TUT7: variants seen among roughly 807,000 people sequenced by gnomAD.
TUT7 encodes terminal uridylyl transferase 7, also known as terminal uridylyltransferase 7.
In TUT7, 33 loss-of-function variants were observed where a neutral mutation model predicts 165.9. The observed-to-expected ratio is 0.20, with a 90% CI of 0.15 to 0.27. The LOEUF (loss-of-function observed/expected upper bound fraction) is 0.27. Ranked by LOEUF, TUT7 falls within the 10% of genes least tolerant of loss-of-function variation. The pLI is 1.00. For missense variants in TUT7, 1,338 were observed against 1,762.3 expected (o/e 0.76, Z 4.31); for synonymous variants, 552 against 608.1 (o/e 0.91, Z 1.36).
intron 2 of TUT7, among the ~76,000 whole-genome samples, chr9:86,347,462 A>G (rs1018727632): frequency 2.6e-5 from 4 of 152,232 alleles, no homozygotes; most frequent in African/African-American, 7.2e-5. Flanking sequence ...CCCTACATGA[A>G]GTAATTCCTC....
intron 22 of TUT7, among the ~76,000 whole-genome samples, chr9:86,306,363 C>A (rs1208715233): frequency 6.6e-6 from 1 of 152,176 alleles, no homozygotes; most frequent in East Asian, 1.9e-4. Flanking sequence ...CTTCCTTCAG[C>A]TCAACCCTGC....
At chr9:86,310,831 TATC>T (rs1157741152) in intron 17 of TUT7, 22 bp from the exon 18 acceptor site, 2 of 1,325,798 alleles carry the variant, frequency 1.5e-6, no homozygotes, top group East Asian at 4.6e-5. Flanking sequence ...AATAAAATGT[TATC>T]ATTAAATACA....
At chr9:86,341,748 T>C (rs1172497329) in intron 6 of TUT7, among the ~76,000 whole-genome samples, 1 of 152,180 alleles carries the variant, frequency 6.6e-6, no homozygotes, top group East Asian at 1.9e-4. Flanking sequence ...CCCCCTCTCC[T>C]GCAGGCTCCT....
chr9:86,317,931 A>C (rs1828875826), intron 16 of TUT7, among the ~76,000 whole-genome samples: 1 of 152,206 alleles, frequency 6.6e-6, no homozygotes, highest in South Asian at 2.1e-4. Context: ...ATGTAAAAAA[A>C]TAAATAAATA....
rs1826894506 is a variant in TUT7 at position 86,301,473 on chromosome 9, T to A, written c.4223A>T (p.Asp1408Val). The change falls in exon 26 of 27, where the codon GAT becomes GTT. Residue 1408 changes from aspartate (D) to valine (V), a missense_variant. By Grantham distance (152) the Asp-to-Val change is radical. Around this residue, in one of 7 missense-constraint regions of TUT7, gnomAD observed 167 missense variants for 204.9 expected, o/e 0.82. Transcript: ENST00000375963. ...YTEREVSTKE[D>V]KPIQCTPQKA... ...CTGAGGTGTGCACTGTATGGGCTTA[T>A]CTTCTTTTGTTGACACCTCCCTTTC... The A allele has an allele frequency of 1.9e-5, 30 of 1,614,088 alleles. No individual in the cohort carries two copies. The highest frequency in any genetic ancestry group is 2.5e-5 in the Non-Finnish European group (30 of 1,180,040).
At position 86,322,893 on chromosome 9, in the gene TUT7, G is replaced by C; in HGVS notation, c.2857C>G (p.Leu953Val). ...ATTACCTTGCCTTTGGTGAAGATAA[G>C]TTTACTGAATTCATAAAAAAAATCA... ...QSDFFYEFSK[L>V]IFTKGKSPTV... is the part of the protein sequence containing the mutation. Residue 953 changes from leucine to valine, a missense_variant, in exon 13 of 27, where the codon CTT becomes GTT. Transcript: ENST00000375963. 1 of 1,603,556 alleles carries C rather than the reference G, an allele frequency of 6.2e-7. No individual in the cohort carries two copies.
At chr9:86,351,504 T>C (rs997047931) in intron 2 of TUT7, among the ~76,000 whole-genome samples, 3 of 152,080 alleles carry the variant, frequency 2.0e-5, no homozygotes, top group Non-Finnish European at 4.4e-5. Flanking sequence ...AGAAAAAAAA[T>C]CAAGTAGCAC....
At chr9:86,328,196 T>C (rs1829970377) in intron 11 of TUT7, 144 bp downstream of exon 11, 1 of 655,128 alleles carries the variant, frequency 1.5e-6, no homozygotes, top group Non-Finnish European at 2.3e-6. Context: ...TCTCATTACT[T>C]GTCTGTTCGA....
intron 13 of TUT7, among the ~76,000 whole-genome samples, 157 bp from the exon 14 acceptor site, chr9:86,322,632 C>A (rs563187720): frequency 2.0e-5 from 3 of 152,164 alleles, no homozygotes; most frequent in African/African-American, 7.2e-5. Context: ...GAGATGGGGA[C>A]ATCCTATAGT....
intron 14 of TUT7, among the ~76,000 whole-genome samples, chr9:86,320,455 T>A (rs1361922062): frequency 2.0e-5 from 3 of 152,198 alleles, no homozygotes; most frequent in African/African-American, 7.2e-5. Flanking sequence ...GGCTGTTAAG[T>A]AGGCTATTAA....
At chr9:86,290,821 T>C (rs1357410999) in intron 26 of TUT7, among the ~76,000 whole-genome samples, 3 of 151,612 alleles carry the variant, frequency 2.0e-5, no homozygotes, top group Non-Finnish European at 4.4e-5. Flanking sequence ...GATCATGCCA[T>C]TGCACTCCAG....
chr9:86,335,778 C>A (rs1303816011), intron 10 of TUT7, among the ~76,000 whole-genome samples: 1 of 152,256 alleles, frequency 6.6e-6, no homozygotes, highest in South Asian at 2.1e-4. Context: ...GTTTAAAATG[C>A]TGAACACCGC....
chr9:86,346,193 A>G (rs1831744410), intron 3 of TUT7, 106 bp downstream of exon 3: 2 of 1,094,020 alleles, frequency 1.8e-6, no homozygotes, highest in Non-Finnish European at 2.6e-6. Flanking sequence ...AATACTGATA[A>G]CCAAAGTAGG....
At position 86,322,344 on chromosome 9, in the gene TUT7, T is replaced by A; in HGVS notation, c.3009A>T (p.Gln1003His). 6.2e-7 allele frequency: 1 copy of A among 1,613,728 alleles called. No homozygotes were observed. The highest frequency in any genetic ancestry group is 8.5e-7 in the Non-Finnish European group (1 of 1,179,822). ...LTPKFLNILD[Q>H]VCIQCYKDFS... Reference sequence around the variant, plus strand: ...ACTTACTATAACACTGGATACAGACTTGATCTAAGATATTTAAAAACTTGG... The same window carrying A: ...ACTTACTATAACACTGGATACAGACATGATCTAAGATATTTAAAAACTTGG... The change falls in exon 14 of 27, where the codon CAA becomes CAT. Residue 1003 changes from glutamine (Q) to histidine (H), a missense_variant. By Grantham distance (24) the Gln-to-His change is conservative. This residue lies in a region of TUT7 where 425 missense variants were observed against 474.9 expected (regional missense o/e 0.89). Transcript: ENST00000375963.
chr9:86,325,909 G>A (rs1348991208), intron 11 of TUT7, among the ~76,000 whole-genome samples: 1 of 152,128 alleles, frequency 6.6e-6, no homozygotes, highest in East Asian at 1.9e-4. Context: ...CACAAAAATG[G>A]ACAGTAGCTA....
At chr9:86,318,915 T>A (rs1227146492) in intron 16 of TUT7, 43 bp downstream of exon 16, 8 of 1,510,428 alleles carry the variant, frequency 5.3e-6, no homozygotes, top group Non-Finnish European at 7.3e-6. Flanking sequence ...ATTGGTTAAA[T>A]CACACTGCCA....
intron 9 of TUT7, among the ~76,000 whole-genome samples, chr9:86,338,039 A>G (rs1830981293): frequency 6.6e-6 from 1 of 152,180 alleles, no homozygotes; most frequent in Admixed American, 6.5e-5. Context: ...CTTAGTGATG[A>G]AGCAGGCGGT....
In TUT7 at chr9:86,323,689, T is replaced by C; in HGVS notation, c.2061A>G (p.Ala687=). 6.2e-7 allele frequency: 1 copy of C among 1,614,208 alleles called. No individual in the cohort carries two copies. Among genetic ancestry groups the C allele is most frequent in the Non-Finnish European group, 8.5e-7 (1 of 1,179,988 alleles). The change falls in exon 13 of 27, where the codon GCA becomes GCG. Residue 687 remains alanine (A), a synonymous_variant. Coordinates refer to ENST00000375963, the MANE Select transcript of TUT7 (RefSeq NM_024617.4). ...AQGPGATSSA[A]NTCKVQPLTL... The stretch of plus-strand genomic sequence containing the variant: ...TAAGTGGCTGTACCTTACAGGTATT[T>C]GCAGCTGAACTGGTAGCACCAGGAC...
Position 86,311,020 on chromosome 9 carries a change from A to C in TUT7, c.3275-211T>G, listed in dbSNP as rs535616435. 6.6e-6 allele frequency among the ~76,000 whole-genome samples: 1 copy of C among 152,372 alleles called. No homozygotes were observed. The highest frequency in any genetic ancestry group is 6.5e-5 in the Admixed American group (1 of 15,308). The stretch of plus-strand genomic sequence containing the variant: ...ATTTATTAAACATATTGATATTAGA[A>C]CTACAAGAATCAAACAGTCACTCCC... On this transcript the variant is annotated intron_variant, in intron 17 of 26. Transcript: ENST00000375963. The surrounding 1 kb of genome is among the most constrained non-coding windows in gnomAD (Gnocchi z 4.4).
Sources: allele counts gnomAD v4.1 joint callset (sites outside exome capture counted in the v4.1 genomes callset), GRCh38; gene constraint gnomAD v4.1.1; regional missense constraint gnomAD v4.1.1; non-coding constraint Gnocchi (gnomAD v3.1); transcripts MANE v1.5; gene names NCBI Gene and HGNC (gene_info 2026-07-23, HGNC 2026-07-21).